The following PDE4B variants were observed in gnomAD, a reference collection of about 807,000 sequenced individuals.
PDE4B encodes phosphodiesterase 4B.
A neutral mutation model predicts 82.2 loss-of-function variants in PDE4B; 20 were observed. The ratio of observed to expected loss-of-function variants is 0.24; its 90% CI spans 0.17 to 0.35. PDE4B has a LOEUF of 0.35. Ranked by LOEUF, PDE4B falls within the 10% of genes least tolerant of loss-of-function variation. The pLI is 1.00. For missense variants in PDE4B, 655 were observed against 907.2 expected (o/e 0.72, Z 3.57); for synonymous variants, 320 against 318.9 (o/e 1.00, Z -0.04).
intron 3 of PDE4B, among the ~76,000 whole-genome samples, chr1:66,088,356 G>A (rs1570194946): frequency 6.6e-6 from 1 of 152,070 alleles, no homozygotes; most frequent in Non-Finnish European, 1.5e-5. Flanking sequence ...GAGATGTTTA[G>A]TATTTAGTCA....
intron 1 of PDE4B, among the ~76,000 whole-genome samples, chr1:65,800,225 C>T (rs780786042): frequency 6.6e-6 from 1 of 152,132 alleles, no homozygotes; most frequent in Non-Finnish European, 1.5e-5. Flanking sequence ...AAGCAGACTG[C>T]CTATATATAC....
At chr1:66,289,290 T>C (rs946535117) in intron 7 of PDE4B, among the ~76,000 whole-genome samples, 5 of 151,872 alleles carry the variant, frequency 3.3e-5, no homozygotes, top group Non-Finnish European at 7.4e-5. Context: ...AGAAAAGAAA[T>C]GGACTTCCTC....
chr1:66,338,745 G>A (rs993333535), intron 8 of PDE4B, among the ~76,000 whole-genome samples: 1 of 152,276 alleles, frequency 6.6e-6, no homozygotes, highest in Non-Finnish European at 1.5e-5. Context: ...TTGGCCGGGC[G>A]CGGTGGCTCA....
At chr1:65,853,228 C>T (rs895862220) in intron 1 of PDE4B, among the ~76,000 whole-genome samples, 3 of 151,982 alleles carry the variant, frequency 2.0e-5, no homozygotes, top group South Asian at 2.1e-4. Flanking sequence ...TGTGGTATAT[C>T]TTTTTTGTCA....
chr1:66,247,986 C>T (rs896568263), intron 4 of PDE4B, among the ~76,000 whole-genome samples: 1 of 152,204 alleles, frequency 6.6e-6, no homozygotes, highest in Non-Finnish European at 1.5e-5. Flanking sequence ...ATACATCACA[C>T]TTGAAATTTC....
chr1:66,051,149 T>TA (rs1655004312), intron 3 of PDE4B, among the ~76,000 whole-genome samples: 1 of 152,130 alleles, frequency 6.6e-6, no homozygotes, highest in Non-Finnish European at 1.5e-5. Flanking sequence ...ATGGCACATG[T>TA]ATACATATGT....
At chr1:66,258,803 T>G (rs1654458941) in intron 6 of PDE4B, among the ~76,000 whole-genome samples, 1 of 152,240 alleles carries the variant, frequency 6.6e-6, no homozygotes, top group Non-Finnish European at 1.5e-5. Flanking sequence ...ACACACATTT[T>G]CATAGAATAG....
intron 1 of PDE4B, among the ~76,000 whole-genome samples, chr1:65,870,406 A>C (rs531918834): frequency 7.2e-5 from 11 of 152,310 alleles, no homozygotes; most frequent in African/African-American, 2.4e-4. Context: ...AAAACAAACC[A>C]GGAAACAAAC....
intron 13 of PDE4B, 112 bp from the exon 14 acceptor site, chr1:66,367,584 G>A (rs61796506): frequency 3.7e-6 from 3 of 812,406 alleles, no homozygotes; most frequent in African/African-American, 3.4e-5. Context: ...CATGTAGCTG[G>A]TGGTTCTTGA....
chr1:66,255,941 G>A (rs555253463), intron 4 of PDE4B, among the ~76,000 whole-genome samples: 1 of 152,170 alleles, frequency 6.6e-6, no homozygotes, highest in Non-Finnish European at 1.5e-5. Flanking sequence ...AAAGTGGGCC[G>A]ATTGCTTGAG....
chr1:66,204,623 C>T (rs1649383379), intron 3 of PDE4B, among the ~76,000 whole-genome samples: 3 of 152,230 alleles, frequency 2.0e-5, no homozygotes, highest in Admixed American at 6.5e-5. Context: ...CAACGAGACT[C>T]CATGGGCGTA....
intron 1 of PDE4B, among the ~76,000 whole-genome samples, chr1:65,873,189 A>G: frequency 6.6e-6 from 1 of 152,160 alleles, no homozygotes; most frequent in East Asian, 1.9e-4. Flanking sequence ...AAGTCCTTTT[A>G]CTCTGGCAAG....
At chr1:66,254,613 C>T (rs540057228) in intron 4 of PDE4B, among the ~76,000 whole-genome samples, 2 of 152,262 alleles carry the variant, frequency 1.3e-5, no homozygotes, top group African/African-American at 2.4e-5. Context: ...TTAAGTTCAA[C>T]GTGTACCTTA....
At chr1:66,085,700 C>T (rs1268919485) in intron 3 of PDE4B, among the ~76,000 whole-genome samples, 2 of 151,994 alleles carry the variant, frequency 1.3e-5, no homozygotes, top group Admixed American at 1.3e-4. Context: ...AACAGAGTGG[C>T]TGGGTACTCT....
rs150971744 is a variant in PDE4B at position 66,371,598 on chromosome 1, C to T, written c.1846-715C>T. On this transcript the variant is annotated intron_variant, in intron 16 of 16. Transcript: ENST00000341517. ...TTCTTTCACCTGTTGGAAATGACTG[C>T]GTGCTCTGTAGATCCAAAACAATTG... Among the ~76,000 whole-genome samples the T allele has an allele frequency of 6.8e-3, 1,035 of 152,204 alleles. 8 individuals are homozygous for T. Among genetic ancestry groups the T allele is most frequent in the Admixed American group, 0.031 (477 of 15,284 alleles).
At chr1:66,317,603 T>A (rs1055905764) in intron 7 of PDE4B, among the ~76,000 whole-genome samples, 7 of 152,154 alleles carry the variant, frequency 4.6e-5, no homozygotes, top group African/African-American at 1.7e-4. Context: ...TTATTATTAT[T>A]TTTTTAAGTC....
intron 3 of PDE4B, among the ~76,000 whole-genome samples, chr1:66,097,813 C>CT (rs1645146181): frequency 6.8e-6 from 1 of 146,790 alleles, no homozygotes; most frequent in Non-Finnish European, 1.5e-5. Flanking sequence ...GTTTTTCTAT[C>CT]TTTTTATTAA....
chr1:66,096,140 T>A (rs1007806113), intron 3 of PDE4B, among the ~76,000 whole-genome samples: 1 of 151,758 alleles, frequency 6.6e-6, no homozygotes, highest in African/African-American at 2.4e-5. Context: ...TATAATTTTG[T>A]ATCCTTTAAA....
At chr1:65,794,701 T>C (rs921405107) in intron 1 of PDE4B, among the ~76,000 whole-genome samples, 5 of 152,226 alleles carry the variant, frequency 3.3e-5, no homozygotes, top group African/African-American at 4.8e-5. Flanking sequence ...CTGTTTCTAT[T>C]CTTTTTCATT....
Sources: gnomAD v4.1 joint callset for allele counts (sites outside exome capture counted in the v4.1 genomes callset) on GRCh38, gnomAD v4.1.1 for gene constraint, MANE v1.5 for transcripts, NCBI Gene and HGNC (gene_info 2026-07-23, HGNC 2026-07-21) for gene names.